The following SPTA1 variants were observed in gnomAD, a reference collection of about 807,000 sequenced individuals.
SPTA1 encodes spectrin alpha chain, erythrocytic 1.
A neutral mutation model predicts 324.7 loss-of-function variants in SPTA1; 177 were observed. The observed-to-expected ratio is 0.55, with a 90% CI of 0.48 to 0.62. The LOEUF (loss-of-function observed/expected upper bound fraction) is 0.62, where lower values mean the gene tolerates loss of function less well. SPTA1 is among the 20% of genes least tolerant of loss of function. The pLI is 0.00. For missense variants in SPTA1, 3,162 were observed against 2,883.6 expected, an observed-to-expected ratio of 1.10 and a Z score of -2.21; for synonymous variants, 1,195 against 1,041.3, an observed-to-expected ratio of 1.15 and a Z score of -2.84.
Position 158,612,889 on chromosome 1 carries a change from A to C in SPTA1, c.7062T>G (p.Ser2354Arg). Residue 2354 changes from serine to arginine, a missense_variant, in exon 51 of 52, where the codon AGT becomes AGG. By Grantham distance (110) the Ser-to-Arg change is moderately radical. Coordinates refer to ENST00000643759, the MANE Select transcript of SPTA1 (RefSeq NM_003126.4). ...IDKESENIKSSDEIENAFQAL... is the reference protein window; with the variant it reads ...IDKESENIKSRDEIENAFQAL... ...CTTGGAAGGCATTCTCTATTTCATC[A>C]CTGGACTTGATGTTTTCTGACTCCT... 3 of 1,613,940 alleles carry C rather than the reference A, an allele frequency of 1.9e-6. No individual in the cohort carries two copies. The South Asian group carries it at 3.3e-5, about 18-fold the overall frequency.
chr1:158,620,840 G>GAAAAAAAAAAAA (rs200959019), intron 43 of SPTA1: 6 of 89,510 alleles, frequency 6.7e-5, no homozygotes, highest in East Asian at 3.2e-4. Context: ...TAGTAAACAT[G>GAAAAAAAAAAAA]AAAAAAAAAA....
chr1:158,639,838 C>T (rs1557944381), intron 34 of SPTA1, 32 bp downstream of exon 34: 5 of 1,613,838 alleles, frequency 3.1e-6, no homozygotes, highest in African/African-American at 1.3e-5. Flanking sequence ...GTATTAAACT[C>T]TTGTGTCTCT....
In SPTA1 at chr1:158,639,857, C is replaced by A. The variant is rs776588829; in HGVS notation, c.4875+13G>T. The A allele has an allele frequency of 1.2e-6, 2 of 1,613,844 alleles. No individual in the cohort carries two copies. The highest frequency in any genetic ancestry group is 1.7e-6 in the Non-Finnish European group (2 of 1,179,916). ...TAAACTCTTGTGTCTCTACTGTTTC[C>A]GGGTGCAATTACCTCTGAGAGCCAG... On this transcript the variant is annotated intron_variant, in intron 34 of 51. Transcript: ENST00000643759.
At chr1:158,685,066 A>C in intron 2 of SPTA1, 42 bp downstream of exon 2, 1 of 1,612,542 alleles carries the variant, frequency 6.2e-7, no homozygotes, top group Non-Finnish European at 8.5e-7. Context: ...TTCTCTAGAG[A>C]TCTTAGGGTC....
chr1:158,662,898 T>C lies in SPTA1; in HGVS notation c.2268A>G (p.Ile756Met). Residue 756 changes from isoleucine to methionine, a missense_variant, in exon 17 of 52, where the codon ATA (isoleucine) becomes ATG (methionine). Transcript: ENST00000643759. ...TTATATCCTTAGAATCAGGATGGCCTATTTCTTCAAAATATGCAGCCAGGT... is the reference window on the plus strand; with the variant it reads ...TTATATCCTTAGAATCAGGATGGCCCATTTCTTCAAAATATGCAGCCAGGT... ...LTDLAAYFEE[I>M]GHPDSKDIRA... is the part of the protein sequence containing the mutation. 1 of 1,614,120 alleles carries C rather than the reference T, an allele frequency of 6.2e-7. No individual in the cohort carries two copies. Among genetic ancestry groups the C allele is most frequent in the Non-Finnish European group, 8.5e-7 (1 of 1,179,976 alleles).
At chr1:158,626,068 T>C in intron 42 of SPTA1, 78 bp downstream of exon 42, 1 of 1,362,376 alleles carries the variant, frequency 7.3e-7, no homozygotes, top group Non-Finnish European at 1.0e-6. Context: ...AATCCCAAAA[T>C]TCAGAAATAA....
intron 19 of SPTA1, 144 bp from the exon 20 acceptor site, chr1:158,656,800 A>G (rs1652860070): frequency 2.9e-6 from 2 of 691,966 alleles, no homozygotes; most frequent in Admixed American, 5.1e-5. Flanking sequence ...TTAACCCTAA[A>G]TTTGCAAGCA....
intron 26 of SPTA1, among the ~76,000 whole-genome samples, chr1:158,647,986 A>G (rs914912747): frequency 7.9e-5 from 12 of 152,150 alleles, no homozygotes; most frequent in Non-Finnish European, 1.8e-4. Flanking sequence ...TGGCAACCTC[A>G]ATTAGGAAAC....
In SPTA1 at chr1:158,685,168, C is replaced by G. The variant is rs1655076780; in HGVS notation, c.204G>C (p.Trp68Cys). Residue 68 changes from tryptophan (W) to cysteine (C), a missense_variant, in exon 2 of 52, where the codon TGG (tryptophan) becomes TGC (cysteine). Transcript: ENST00000643759. ...TTAAGATATTGACTTTCTCCATGATCCACTTCCCCAGATCATCTGCATCTC... is the reference window on the plus strand; with the variant it reads ...TTAAGATATTGACTTTCTCCATGATGCACTTCCCCAGATCATCTGCATCTC... ...FKRDADDLGKWIMEKVNILTD... is the reference protein window; with the variant it reads ...FKRDADDLGKCIMEKVNILTD... 6.2e-7 allele frequency: 1 copy of G among 1,613,722 alleles called. No homozygotes were observed. The highest frequency in any genetic ancestry group is 8.5e-7 in the Non-Finnish European group (1 of 1,179,848).
At chr1:158,641,171 AAGACTTAAATGTT>A (rs1281424625) in intron 33 of SPTA1, among the ~76,000 whole-genome samples, 1 of 152,210 alleles carries the variant, frequency 6.6e-6, no homozygotes, top group Non-Finnish European at 1.5e-5. Flanking sequence ...AGATGGATTA[AAGACTTAAATGTT>A]AGACCTAAAA....
chr1:158,618,553 AC>A (rs1172281309), intron 45 of SPTA1, among the ~76,000 whole-genome samples: 1 of 152,202 alleles, frequency 6.6e-6, no homozygotes, highest in East Asian at 1.9e-4. Flanking sequence ...CTAATATATT[AC>A]ATCTTCTAAG....
At position 158,662,686 on chromosome 1, in the gene SPTA1, C is replaced by G. The variant is rs768518051; in HGVS notation, c.2464+16G>C. ...GGTCCTTTCCTAGTGGCTCAGCCTG[C>G]TCAGGCTGTACTAACCAAGGTAGGT... is the stretch of plus-strand genomic sequence containing the variant. On this transcript the variant is annotated intron_variant, in intron 17 of 51. Coordinates refer to ENST00000643759, the MANE Select transcript of SPTA1 (RefSeq NM_003126.4). 3 of 1,613,502 alleles carry G rather than the reference C, an allele frequency of 1.9e-6. No homozygotes were observed. Among genetic ancestry groups the G allele is most frequent in the South Asian group, 2.2e-5 (2 of 91,060 alleles).
chr1:158,678,272 G>A, intron 6 of SPTA1, 129 bp downstream of exon 6: 2 of 1,285,204 alleles, frequency 1.6e-6, no homozygotes, highest in Non-Finnish European at 2.2e-6. Flanking sequence ...CCAAAGGCAA[G>A]TACATGATCC....
At chr1:158,661,139 C>A in intron 18 of SPTA1, 148 bp downstream of exon 18, 1 of 1,203,528 alleles carries the variant, frequency 8.3e-7, no homozygotes, top group Non-Finnish European at 1.2e-6. Context: ...AAACCATATG[C>A]CCATTTGTCA....
chr1:158,660,008 T>C (rs1207556745), intron 18 of SPTA1, among the ~76,000 whole-genome samples: 1 of 152,168 alleles, frequency 6.6e-6, no homozygotes, highest in Non-Finnish European at 1.5e-5. Flanking sequence ...GCAAAATCAC[T>C]GTGCTATAAT....
In SPTA1 at chr1:158,686,578, A is replaced by AT; in HGVS notation, c.-62dup. On this transcript the variant is annotated 5_prime_UTR_variant, in exon 1 of 52. It introduces an in-frame stop codon into an upstream open reading frame of the 5' UTR. Transcript: ENST00000643759. ...GTGTCAGAGAGAGAGAGAGAGAGAA[A>AT]TAATTCAAATGGAACTGTCCAGTCG... 1.5e-6 allele frequency: 2 copies of AT among 1,319,690 alleles called. No individual in the cohort carries two copies. The highest frequency in any genetic ancestry group is 2.2e-6 in the Non-Finnish European group (2 of 912,398). 81.7% of individuals were successfully genotyped at this position (1,319,690 alleles called of 1,614,324 possible). A position where few individuals can be genotyped will look rare whatever the true frequency, so the allele number is the denominator to read the frequency against.
At chr1:158,629,079 A>AGCATTACC (rs1650491244) in intron 39 of SPTA1, among the ~76,000 whole-genome samples, 1 of 152,040 alleles carries the variant, frequency 6.6e-6, no homozygotes, top group Non-Finnish European at 1.5e-5. Flanking sequence ...TCGCAAAGTC[A>AGCATTACC]GCATTACCCT....
rs1361831717 is a variant in SPTA1 at position 158,617,924 on chromosome 1, TTTACATACTACCAGA to T, written c.6548+100_6548+114del. ...TTTTCCTTCTCACTCCACATTTTTA[TTTACATACTACCAGA>T]TTACAATGGAATGAAAATGTCTCAG... On this transcript the variant is annotated intron_variant, in intron 46 of 51. Transcript: ENST00000643759. 1.8e-4 allele frequency: 185 copies of T among 1,038,592 alleles called. No individual in the cohort carries two copies. In the East Asian group the frequency reaches 4.4e-3, roughly 25 times the overall value. The allele number at this position is 1,038,592 out of a possible 1,614,324, so 64.3% of individuals were successfully genotyped here. A position where few individuals can be genotyped will look rare whatever the true frequency, so the allele number is the denominator to read the frequency against.
chr1:158,616,595 T>A (rs1407324644), intron 47 of SPTA1, among the ~76,000 whole-genome samples: 1 of 151,660 alleles, frequency 6.6e-6, no homozygotes, highest in Admixed American at 6.6e-5. Flanking sequence ...CATTTTTTAA[T>A]GGACAAATAA....
Sources: gnomAD v4.1 joint callset for allele counts (sites outside exome capture counted in the v4.1 genomes callset) on GRCh38, gnomAD v4.1.1 for gene constraint, MANE v1.5 for transcripts, NCBI Gene and HGNC (gene_info 2026-07-23, HGNC 2026-07-21) for gene names.